PCDHGA9: variants seen among roughly 807,000 people sequenced by gnomAD.
The protein encoded by PCDHGA9 is protocadherin gamma subfamily A, 9, also known as protocadherin gamma-A9.
In PCDHGA9, 37 loss-of-function variants were observed where a neutral mutation model predicts 62.5. The ratio of observed to expected loss-of-function variants is 0.59; its 90% CI spans 0.46 to 0.78. The LOEUF is 0.78. Ranked by LOEUF, PCDHGA9 falls within the 30% of genes least tolerant of loss-of-function variation. The probability of loss-of-function intolerance (pLI) is 0.00; values close to 1 mark genes in which losing one functional copy is unlikely to be tolerated. For synonymous variants in PCDHGA9, 459 were observed against 484.6 expected (o/e 0.95, Z 0.69); for missense variants, 1,138 against 1,166.2 (o/e 0.98, Z 0.35).
At chr5:141,416,913 G>C (rs2096067624) in intron 1 of PCDHGA9, 1 of 151,920 alleles carries the variant, frequency 6.6e-6, no homozygotes, top group South Asian at 2.1e-4. Context: ...ACACTCTTTA[G>C]GGTCATAGTT....
chr5:141,482,981 A>C (rs1377809325), intron 1 of PCDHGA9, among the ~76,000 whole-genome samples: 1 of 150,250 alleles, frequency 6.7e-6, no homozygotes, highest in Non-Finnish European at 1.5e-5. Context: ...GCTACTTGAG[A>C]GGTCGAGGCA....
At chr5:141,420,412 T>A in intron 1 of PCDHGA9, 1 of 1,225,004 alleles carries the variant, frequency 8.2e-7, no homozygotes, top group Non-Finnish European at 1.1e-6. Flanking sequence ...TGGTTATCAT[T>A]ATTAAAACAA....
intron 1 of PCDHGA9, chr5:141,420,929 G>A (rs1321290902): frequency 1.4e-5 from 5 of 362,196 alleles, no homozygotes; most frequent in Non-Finnish European, 2.5e-5. Flanking sequence ...AAAGGTGAGC[G>A]TAATCATTTC....
chr5:141,459,843 T>C (rs1328781794), intron 1 of PCDHGA9, among the ~76,000 whole-genome samples: 1 of 152,228 alleles, frequency 6.6e-6, no homozygotes, highest in African/African-American at 2.4e-5. Context: ...TGTCTATTTG[T>C]ATATCTTCTT....
intron 1 of PCDHGA9, among the ~76,000 whole-genome samples, chr5:141,481,184 C>A (rs2099533291): frequency 6.6e-6 from 1 of 152,146 alleles, no homozygotes; most frequent in African/African-American, 2.4e-5. Flanking sequence ...CTTTATTGGG[C>A]CAGGCCCAAT....
In PCDHGA9 at chr5:141,406,998, A is replaced by G. The variant is rs138992041; in HGVS notation, c.2424+1622A>G. ...AACATTTCACAAGACATTTGAAAAT[A>G]AGCTTTGAAGTTGACTCAAAATTCT... On this transcript the variant is annotated intron_variant, in intron 1 of 3. Transcript: ENST00000573521. 7.5e-3 allele frequency among the ~76,000 whole-genome samples: 1,140 copies of G among 152,352 alleles called. 5 individuals carry two copies. The highest frequency in any genetic ancestry group is 0.012 in the Non-Finnish European group (837 of 68,024).
intron 1 of PCDHGA9, among the ~76,000 whole-genome samples, chr5:141,457,440 A>C (rs188608086): frequency 1.3e-5 from 2 of 152,334 alleles, no homozygotes; most frequent in African/African-American, 4.8e-5. Flanking sequence ...ACCAAGCTGC[A>C]GAAGATCACC....
At position 141,490,027 on chromosome 5, in the gene PCDHGA9, C is replaced by T. The variant is rs767829552; in HGVS notation, c.2425-4780C>T. Reference sequence around the variant, plus strand: ...TGCACCCATTGGTACTCTGCTGCTCCGCCTCAATGCCACTGATCCAGACGA... The same window carrying T: ...TGCACCCATTGGTACTCTGCTGCTCTGCCTCAATGCCACTGATCCAGACGA... On this transcript the variant is annotated intron_variant, in intron 1 of 3. Coordinates refer to ENST00000573521, the MANE Select transcript of PCDHGA9 (RefSeq NM_018921.3). This position sits in a 1 kb window ranked among gnomAD's most constrained non-coding sequence, Gnocchi z 5.4. The T allele has an allele frequency of 2.4e-5, 39 of 1,614,096 alleles. No homozygotes were observed. The highest frequency in any genetic ancestry group is 4.0e-5 in the African/African-American group (3 of 74,942).
At chr5:141,468,739 G>A (rs1167211344) in intron 1 of PCDHGA9, among the ~76,000 whole-genome samples, 5 of 152,000 alleles carry the variant, frequency 3.3e-5, no homozygotes, top group African/African-American at 1.2e-4. Context: ...GGTGGCGGGT[G>A]CCTGTAGTCC....
intron 1 of PCDHGA9, chr5:141,415,448 C>T (rs2095870056): frequency 6.2e-7 from 1 of 1,614,052 alleles, no homozygotes; most frequent in African/African-American, 1.3e-5. Flanking sequence ...CAGACCTATT[C>T]CCACGAGGTC....
intron 1 of PCDHGA9, chr5:141,422,658 C>T (rs2096662185): frequency 6.2e-7 from 1 of 1,609,912 alleles, no homozygotes; most frequent in Non-Finnish European, 8.5e-7. Context: ...CAGTGACCGC[C>T]CTCGACCCGG....
chr5:141,492,846 A>G (rs1404624093), intron 1 of PCDHGA9, among the ~76,000 whole-genome samples: 1 of 152,184 alleles, frequency 6.6e-6, no homozygotes, highest in African/African-American at 2.4e-5. Flanking sequence ...AGGAAGTGAA[A>G]GCCTCGAGCG....
In PCDHGA9 at chr5:141,487,747, CTA is replaced by C. The variant is rs2099663990; in HGVS notation, c.2425-7058_2425-7057del. 1 of 1,558,062 alleles carries C rather than the reference CTA, an allele frequency of 6.4e-7. No individual in the cohort carries two copies. The highest frequency in any genetic ancestry group is 2.4e-5 in the East Asian group (1 of 41,708). On this transcript the variant is annotated intron_variant, in intron 1 of 3. Coordinates refer to ENST00000573521, the MANE Select transcript of PCDHGA9 (RefSeq NM_018921.3). This position sits in a 1 kb window ranked among gnomAD's most constrained non-coding sequence, Gnocchi z 5.0. ...ATGTCACCATTTTTGTAAGAGGTAA[CTA>C]TGTGGTAGACGCTGTGCTTTGTAAC... is the stretch of plus-strand genomic sequence containing the variant.
At position 141,485,562 on chromosome 5, in the gene PCDHGA9, C is replaced by T. The variant is rs779890454; in HGVS notation, c.2425-9245C>T. 2.5e-6 allele frequency: 4 copies of T among 1,612,910 alleles called. No homozygotes were observed. Among genetic ancestry groups the T allele is most frequent in the Admixed American group, 1.7e-5 (1 of 59,996 alleles). On this transcript the variant is annotated intron_variant, in intron 1 of 3. Transcript: ENST00000573521. The surrounding 1 kb of genome is among the most constrained non-coding windows in gnomAD (Gnocchi z 5.7). ...GAGATCGTAGATGTGAATGATCACG[C>T]CCCCCGTTTTCCGCGGCAGCAGCTG... is the stretch of plus-strand genomic sequence containing the variant.
Position 141,486,170 on chromosome 5 carries a change from C to A in PCDHGA9, c.2425-8637C>A. ...TGGGGGTTCTCCAGCCATGGAGCAACATTGCAGCCTTCGAGTGGATCTGCT... is the reference window on the plus strand; with the variant it reads ...TGGGGGTTCTCCAGCCATGGAGCAAAATTGCAGCCTTCGAGTGGATCTGCT... On this transcript the variant is annotated intron_variant, in intron 1 of 3. Coordinates refer to ENST00000573521, the MANE Select transcript of PCDHGA9 (RefSeq NM_018921.3). This position sits in a 1 kb window ranked among gnomAD's most constrained non-coding sequence, Gnocchi z 5.0. 6.2e-7 allele frequency: 1 copy of A among 1,614,234 alleles called. No homozygotes were observed. Among genetic ancestry groups the A allele is most frequent in the African/African-American group, 1.3e-5 (1 of 75,052 alleles).
chr5:141,409,600 G>A (rs778681839), intron 1 of PCDHGA9: 1 of 1,613,764 alleles, frequency 6.2e-7, no homozygotes. Context: ...AGAACAACCC[G>A]CCAGGAGCCT....
intron 1 of PCDHGA9, among the ~76,000 whole-genome samples, chr5:141,450,304 T>C (rs759506660): frequency 1.3e-5 from 2 of 151,906 alleles, no homozygotes; most frequent in African/African-American, 2.4e-5. Flanking sequence ...TGAGCCACCA[T>C]GTGTGGCCTA....
chr5:141,478,202 C>T, intron 1 of PCDHGA9: 1 of 1,614,074 alleles, frequency 6.2e-7, no homozygotes, highest in Non-Finnish European at 8.5e-7. Flanking sequence ...TTATCTACTT[C>T]TTTCTCTAAT....
intron 1 of PCDHGA9, chr5:141,427,369 C>T (rs1333238163): frequency 4.4e-6 from 2 of 457,834 alleles, no homozygotes; most frequent in Non-Finnish European, 8.8e-6. Flanking sequence ...GAACCCTGGA[C>T]GGTGATCACT....
Sources: allele counts gnomAD v4.1 joint callset (sites outside exome capture counted in the v4.1 genomes callset), GRCh38; gene constraint gnomAD v4.1.1; non-coding constraint Gnocchi (gnomAD v3.1); transcripts MANE v1.5; gene names NCBI Gene and HGNC (gene_info 2026-07-23, HGNC 2026-07-21).